The following EEFSEC variants were observed in gnomAD, a reference collection of about 807,000 sequenced individuals.
EEFSEC encodes the protein selenocysteine-specific elongation factor.
In EEFSEC, 43 loss-of-function variants were observed where a neutral mutation model predicts 42.1. The observed-to-expected ratio is 1.02, with a 90% CI of 0.80 to 1.32. The LOEUF is 1.32. EEFSEC is among the 40% of genes most tolerant of loss of function. The probability of loss-of-function intolerance (pLI) is 0.00; values close to 1 mark genes in which losing one functional copy is unlikely to be tolerated. For synonymous variants in EEFSEC, 354 were observed against 339.1 expected (o/e 1.04, Z -0.48); for missense variants, 745 against 803.6 (o/e 0.93, Z 0.88).
At chr3:128,252,606 A>C (rs2066199034) in intron 2 of EEFSEC, among the ~76,000 whole-genome samples, 1 of 152,198 alleles carries the variant, frequency 6.6e-6, no homozygotes, top group African/African-American at 2.4e-5. Flanking sequence ...GTGAGGCTTA[A>C]TAAATGTTGG....
intron 1 of EEFSEC, among the ~76,000 whole-genome samples, chr3:128,166,822 C>T (rs1006984588): frequency 6.6e-6 from 1 of 152,070 alleles, no homozygotes; most frequent in African/African-American, 2.4e-5. Context: ...TTCCCATCAC[C>T]ACAGCTGCGA....
chr3:128,339,668 C>T (rs2067228613), intron 4 of EEFSEC, among the ~76,000 whole-genome samples: 1 of 152,246 alleles, frequency 6.6e-6, no homozygotes, highest in African/African-American at 2.4e-5. Flanking sequence ...CCTCCAGTGA[C>T]TTCCGGGCCT....
At chr3:128,370,239 T>A (rs1000662452) in intron 6 of EEFSEC, among the ~76,000 whole-genome samples, 9 of 152,344 alleles carry the variant, frequency 5.9e-5, no homozygotes, top group African/African-American at 1.9e-4. Flanking sequence ...TAGTGTGTCC[T>A]ATCCGGATGT....
chr3:128,163,237 C>T (rs542072664), intron 1 of EEFSEC, among the ~76,000 whole-genome samples: 6 of 151,936 alleles, frequency 3.9e-5, no homozygotes, highest in Non-Finnish European at 8.8e-5. Context: ...GAGCCTGGCA[C>T]TTCTGAGGCA....
intron 4 of EEFSEC, among the ~76,000 whole-genome samples, chr3:128,332,334 A>C (rs2067143059): frequency 1.3e-5 from 2 of 152,252 alleles, no homozygotes; most frequent in African/African-American, 4.8e-5. Context: ...CTTATCCGAA[A>C]TGCTTGGGAC....
chr3:128,241,545 A>G (rs539613622), intron 1 of EEFSEC, among the ~76,000 whole-genome samples: 4 of 152,078 alleles, frequency 2.6e-5, no homozygotes, highest in Admixed American at 1.3e-4. Context: ...GGGTTTCACT[A>G]TGTTGCCTAG....
intron 5 of EEFSEC, among the ~76,000 whole-genome samples, chr3:128,354,149 C>T (rs1304394974): frequency 6.6e-6 from 1 of 152,146 alleles, no homozygotes; most frequent in Non-Finnish European, 1.5e-5. Flanking sequence ...CTCGAGACCA[C>T]ACGGGGTTCC....
At chr3:128,244,975 C>G (rs2066112350) in intron 1 of EEFSEC, among the ~76,000 whole-genome samples, 1 of 152,152 alleles carries the variant, frequency 6.6e-6, no homozygotes, top group South Asian at 2.1e-4. Context: ...CAACCTGTCC[C>G]CTGCTGATGG....
In EEFSEC at chr3:128,408,240, G is replaced by T. The variant is rs116329335; in HGVS notation, c.1772G>T (p.Arg591Leu). ...CGTTATGTCTTCGACACCCACAAGC[G>T]CATGGTTCAGTCTCCCTGAGTGTCC... ...FKRYVFDTHKRMVQSP is the reference protein window; with the variant it reads ...FKRYVFDTHKLMVQSP Residue 591 changes from arginine to leucine, a missense_variant, in exon 7 of 7, where the codon CGC becomes CTC. Physicochemically the swap from Arg to Leu is moderately radical, Grantham distance 102. Transcript: ENST00000254730. 12 of 1,602,084 alleles carry T rather than the reference G, an allele frequency of 7.5e-6. No homozygotes were observed. The highest frequency in any genetic ancestry group is 6.7e-5 in the South Asian group (6 of 89,318).
intron 4 of EEFSEC, among the ~76,000 whole-genome samples, chr3:128,305,736 C>G (rs1346861479): frequency 6.6e-6 from 1 of 152,088 alleles, no homozygotes; most frequent in Non-Finnish European, 1.5e-5. Flanking sequence ...TAAGAACTTG[C>G]AATTGCATTT....
chr3:128,240,714 G>C (rs1382671500), intron 1 of EEFSEC, among the ~76,000 whole-genome samples: 1 of 152,234 alleles, frequency 6.6e-6, no homozygotes, highest in Non-Finnish European at 1.5e-5. Flanking sequence ...GCTGCAATGT[G>C]ACTGAAGTCT....
At chr3:128,316,133 A>G (rs2066942215) in intron 4 of EEFSEC, among the ~76,000 whole-genome samples, 3 of 152,130 alleles carry the variant, frequency 2.0e-5, no homozygotes, top group Middle Eastern at 3.2e-3. Flanking sequence ...TTGTGGATTT[A>G]TTTTTCAAAG....
intron 4 of EEFSEC, among the ~76,000 whole-genome samples, chr3:128,293,585 C>T (rs1212315611): frequency 6.7e-6 from 1 of 148,534 alleles, no homozygotes; most frequent in African/African-American, 2.5e-5. Context: ...CACTTGAACC[C>T]AGGAGGCGGA....
At chr3:128,212,614 T>C (rs2065770223) in intron 1 of EEFSEC, among the ~76,000 whole-genome samples, 1 of 152,218 alleles carries the variant, frequency 6.6e-6, no homozygotes, top group Admixed American at 6.5e-5. Flanking sequence ...TTAAAAGCCC[T>C]ATGTCGACAT....
chr3:128,187,216 C>T (rs1289012458), intron 1 of EEFSEC, among the ~76,000 whole-genome samples: 1 of 152,172 alleles, frequency 6.6e-6, no homozygotes, highest in Admixed American at 6.5e-5. Flanking sequence ...CTGCCTCCAG[C>T]CCCATTGATA....
intron 1 of EEFSEC, among the ~76,000 whole-genome samples, chr3:128,214,872 G>A (rs2065793739): frequency 2.0e-5 from 3 of 152,226 alleles, no homozygotes; most frequent in Non-Finnish European, 4.4e-5. Flanking sequence ...GCGATCTGGT[G>A]TTCCTCTGGG....
At chr3:128,240,062 A>T (rs1159677664) in intron 1 of EEFSEC, among the ~76,000 whole-genome samples, 1 of 152,244 alleles carries the variant, frequency 6.6e-6, no homozygotes, top group South Asian at 2.1e-4. Flanking sequence ...TGAGTGTGGC[A>T]TGCTGCCCTG....
At position 128,397,005 on chromosome 3, in the gene EEFSEC, A is replaced by G. The variant is rs185161742; in HGVS notation, c.1601-11064A>G. On this transcript the variant is annotated intron_variant, in intron 6 of 6. Coordinates refer to ENST00000254730, the MANE Select transcript of EEFSEC (RefSeq NM_021937.5). The stretch of plus-strand genomic sequence containing the variant: ...CCGCAGCCCACAGTCCTGGTTGCCA[A>G]TGGTCCCCCGACTGGTACCCACAAC... Among the ~76,000 whole-genome samples, 39 of 152,282 alleles carry G rather than the reference A, an allele frequency of 2.6e-4. No individual in the cohort carries two copies. The East Asian group carries it at 5.6e-3, about 22-fold the overall frequency.
intron 6 of EEFSEC, among the ~76,000 whole-genome samples, chr3:128,359,237 A>G (rs2067495733): frequency 6.6e-6 from 1 of 152,182 alleles, no homozygotes; most frequent in South Asian, 2.1e-4. Flanking sequence ...CTGAGGTGAC[A>G]GTGAGCTTCA....
Sources: allele counts gnomAD v4.1 joint callset (sites outside exome capture counted in the v4.1 genomes callset), GRCh38; gene constraint gnomAD v4.1.1; transcripts MANE v1.5; gene names NCBI Gene and HGNC (gene_info 2026-07-23, HGNC 2026-07-21).